The following IPCEF1 variants were observed in gnomAD, a reference collection of about 807,000 sequenced individuals.
The protein encoded by IPCEF1 is interaction protein for cytohesin exchange factors 1, also known as interactor protein for cytohesin exchange factors 1.
Under a neutral mutation model 50.9 loss-of-function variants are expected in IPCEF1, and 31 were observed. That is an observed-to-expected ratio of 0.61 (90% CI 0.46 to 0.82). IPCEF1 has a LOEUF of 0.82. Among genes scored for constraint, IPCEF1 ranks in the 40% least tolerant of loss-of-function variants. The probability of loss-of-function intolerance (pLI) is 0.00; values close to 1 mark genes in which losing one functional copy is unlikely to be tolerated. For synonymous variants in IPCEF1, 181 were observed against 192.0 expected (o/e 0.94, Z 0.47); for missense variants, 458 against 514.0 (o/e 0.89, Z 1.05).
intron 1 of IPCEF1, among the ~76,000 whole-genome samples, chr6:154,303,333 G>A (rs1023609255): frequency 2.6e-5 from 4 of 151,602 alleles, no homozygotes; most frequent in South Asian, 2.1e-4. Flanking sequence ...CTTGTGATCC[G>A]CCCACCTCGG....
chr6:154,321,930 G>A (rs985911291), intron 1 of IPCEF1, among the ~76,000 whole-genome samples: 1 of 151,560 alleles, frequency 6.6e-6, no homozygotes, highest in African/African-American at 2.4e-5. Context: ...GAAAATTGTA[G>A]ACCAGGATCT....
chr6:154,336,879 CAGGCG>C (rs1783799258), intron 1 of IPCEF1, among the ~76,000 whole-genome samples: 1 of 152,190 alleles, frequency 6.6e-6, no homozygotes, highest in African/African-American at 2.4e-5. Flanking sequence ...GCTGAGACTA[CAGGCG>C]TGATCAATCA....
chr6:154,175,600 C>T (rs1205176987), intron 10 of IPCEF1, among the ~76,000 whole-genome samples: 1 of 152,138 alleles, frequency 6.6e-6, no homozygotes. Context: ...TGGACACATA[C>T]ACCCTCCCAA....
At chr6:154,248,326 TGTGTGTGTGTGTAGAG>T (rs1781222808) in intron 3 of IPCEF1, among the ~76,000 whole-genome samples, 1 of 151,942 alleles carries the variant, frequency 6.6e-6, no homozygotes, top group African/African-American at 2.4e-5. Flanking sequence ...TGTGTGTGTG[TGTGTGTGTGTGTAGAG>T]AGAGAGAAAA....
At chr6:154,248,868 ATAT>A (rs796305097) in intron 3 of IPCEF1, among the ~76,000 whole-genome samples, 41 of 152,248 alleles carry the variant, frequency 2.7e-4, no homozygotes, top group African/African-American at 9.4e-4. Context: ...GTGTAATATA[ATAT>A]TATATCGTTG....
chr6:154,255,877 A>G lies in IPCEF1; in HGVS notation c.37-8389T>C, dbSNP rs112482704. ...ATAAATTTTTTAAAAACCAACTGAT[A>G]CTTTATTATTGGTGCTTGATTTTTC... On this transcript the variant is annotated intron_variant, in intron 3 of 11. Coordinates refer to ENST00000367220, the MANE Select transcript of IPCEF1 (RefSeq NM_001130700.2). Among the ~76,000 whole-genome samples, 16 of 152,304 alleles carry G rather than the reference A, an allele frequency of 1.1e-4. No homozygotes were observed. In the East Asian group the frequency reaches 1.3e-3, roughly 13 times the overall value.
At chr6:154,205,073 C>A (rs1365061793) in intron 9 of IPCEF1, among the ~76,000 whole-genome samples, 1 of 152,190 alleles carries the variant, frequency 6.6e-6, no homozygotes, top group Non-Finnish European at 1.5e-5. Context: ...ACAGGGTCTT[C>A]CATGACAGAG....
chr6:154,349,247 A>G (rs1048567105), intron 1 of IPCEF1, among the ~76,000 whole-genome samples: 1 of 151,656 alleles, frequency 6.6e-6, no homozygotes, highest in Non-Finnish European at 1.5e-5. Context: ...GAATGAATGC[A>G]GTGGTGCGAT....
Position 154,245,254 on chromosome 6 carries a change from T to C in IPCEF1, c.246+1337A>G, listed in dbSNP as rs1583894628. Among the ~76,000 whole-genome samples the C allele has an allele frequency of 2.6e-5, 4 of 151,794 alleles. No individual in the cohort carries two copies. In the East Asian group the frequency reaches 7.7e-4, roughly 29 times the overall value. ...GACTTTTTGTGAATCCCTTAAAACT[T>C]TGATAAAGTTGTTATAACTCACCAA... On this transcript the variant is annotated intron_variant, in intron 5 of 11. Transcript: ENST00000367220.
intron 10 of IPCEF1, among the ~76,000 whole-genome samples, chr6:154,193,983 A>G (rs9384186): frequency 0.67 from 101,778 of 152,130 alleles, 34,634 homozygotes; most frequent in East Asian, 0.89. Flanking sequence ...CATGACATAC[A>G]CAGTTTACAT....
At chr6:154,313,267 C>G (rs1457666687) in intron 1 of IPCEF1, among the ~76,000 whole-genome samples, 1 of 151,314 alleles carries the variant, frequency 6.6e-6, no homozygotes, top group African/African-American at 2.4e-5. Flanking sequence ...CTTAGCTACT[C>G]AGGAGGCTGA....
chr6:154,339,737 A>G (rs1027704766), intron 1 of IPCEF1, among the ~76,000 whole-genome samples: 1 of 151,974 alleles, frequency 6.6e-6, no homozygotes, highest in Non-Finnish European at 1.5e-5. Flanking sequence ...CTACAAGCGC[A>G]CACCACCACC....
intron 5 of IPCEF1, among the ~76,000 whole-genome samples, chr6:154,228,503 A>G (rs1347576592): frequency 6.6e-6 from 1 of 152,154 alleles, no homozygotes; most frequent in East Asian, 1.9e-4. Flanking sequence ...ATGATGTTCT[A>G]TGATCTCAAA....
intron 10 of IPCEF1, among the ~76,000 whole-genome samples, chr6:154,199,319 C>T (rs1776889294): frequency 1.3e-5 from 2 of 152,220 alleles, no homozygotes; most frequent in South Asian, 4.1e-4. Context: ...TACCAGACTA[C>T]AAAATCCTGA....
At chr6:154,302,701 C>T (rs1782828619) in intron 1 of IPCEF1, among the ~76,000 whole-genome samples, 1 of 152,076 alleles carries the variant, frequency 6.6e-6, no homozygotes, top group South Asian at 2.1e-4. Context: ...TCTCGAACTC[C>T]TGAGCTTGAG....
At chr6:154,203,241 A>G (rs1777216717) in intron 9 of IPCEF1, among the ~76,000 whole-genome samples, 3 of 152,128 alleles carry the variant, frequency 2.0e-5, no homozygotes, top group Non-Finnish European at 4.4e-5. Context: ...ACTGGTAAAT[A>G]TGAGCCCAAC....
chr6:154,199,536 C>T (rs186186479), intron 10 of IPCEF1, 132 bp downstream of exon 10: 3 of 1,072,312 alleles, frequency 2.8e-6, no homozygotes, highest in East Asian at 2.6e-5. Flanking sequence ...AACCTCTGGG[C>T]ATAGCCCCAC....
intron 1 of IPCEF1, among the ~76,000 whole-genome samples, chr6:154,335,350 C>T (rs1783766005): frequency 6.6e-6 from 1 of 152,160 alleles, no homozygotes; most frequent in Non-Finnish European, 1.5e-5. Flanking sequence ...CTTCTGAACC[C>T]CAATGGGGAA....
intron 2 of IPCEF1, among the ~76,000 whole-genome samples, chr6:154,268,316 G>C (rs768909992): frequency 1.4e-4 from 22 of 152,226 alleles, no homozygotes; most frequent in Non-Finnish European, 3.1e-4. Context: ...TTTGGAGTGG[G>C]AGGTGTGGGT....
Sources: allele counts gnomAD v4.1 joint callset (sites outside exome capture counted in the v4.1 genomes callset), GRCh38; gene constraint gnomAD v4.1.1; transcripts MANE v1.5; gene names NCBI Gene and HGNC (gene_info 2026-07-23, HGNC 2026-07-21).